Variants in CNTNAP3 observed in about 807,000 individuals in gnomAD.
CNTNAP3 encodes the protein contactin-associated protein-like 3.
Under a neutral mutation model 92.1 loss-of-function variants are expected in CNTNAP3, and 36 were observed. The ratio of observed to expected loss-of-function variants is 0.39; its 90% CI spans 0.30 to 0.52. The LOEUF is 0.52. CNTNAP3 is among the 20% of genes least tolerant of loss of function. CNTNAP3 has a pLI of 0.76. For missense variants in CNTNAP3, 534 were observed against 1,069.6 expected (o/e 0.50, Z 6.98); for synonymous variants, 232 against 422.3 (o/e 0.55, Z 5.53).
chr9:39,097,046 AT>A (rs970187155), intron 18 of CNTNAP3, among the ~76,000 whole-genome samples: 8 of 151,686 alleles, frequency 5.3e-5, no homozygotes, highest in African/African-American at 1.7e-4. Context: ...CTGATGATCT[AT>A]TTTTTTCATT....
chr9:39,087,746 A>G (rs1826096223), intron 19 of CNTNAP3, among the ~76,000 whole-genome samples: 1 of 152,124 alleles, frequency 6.6e-6, no homozygotes, highest in South Asian at 2.1e-4. Flanking sequence ...TTGGCCTCCC[A>G]AAGTGCTGCG....
At chr9:39,100,920 G>A (rs1487950820) in intron 17 of CNTNAP3, among the ~76,000 whole-genome samples, 2 of 150,566 alleles carry the variant, frequency 1.3e-5, no homozygotes, top group East Asian at 2.0e-4. Context: ...CCTCCTCCCA[G>A]AGATTCCAAT....
At chr9:39,074,793 G>C (rs950979495) in intron 23 of CNTNAP3, among the ~76,000 whole-genome samples, 7 of 152,090 alleles carry the variant, frequency 4.6e-5, no homozygotes, top group Admixed American at 4.6e-4. Flanking sequence ...TTCTGAGACG[G>C]AGTCTTGCTC....
chr9:39,091,168 C>CTTTTTTTTTTTTTTT (rs1319060417), intron 18 of CNTNAP3, among the ~76,000 whole-genome samples: 29 of 117,804 alleles, frequency 2.5e-4, no homozygotes, highest in Admixed American at 6.8e-4. Context: ...TGTTTTTCTT[C>CTTTTTTTTTTTTTTT]TTCTTTTTTT....
chr9:39,133,028 C>T lies in CNTNAP3; in HGVS notation c.1984G>A (p.Gly662Ser). 2 of 1,544,188 alleles carry T rather than the reference C, an allele frequency of 1.3e-6. No individual in the cohort carries two copies. The highest frequency in any genetic ancestry group is 2.0e-5 in the Admixed American group (1 of 51,270). ...RSAVSFAYAA[G>S]AGQLRSAVNL... The stretch of plus-strand genomic sequence containing the variant: ...ACCGCGGACCGCAGCTGCCCCGCGC[C>T]CGCTGCGTACGCGAAGGACACAGCC... Residue 662 changes from glycine (G) to serine (S), a missense_variant, in exon 13 of 24, where the codon GGC becomes AGC. Transcript: ENST00000297668.
chr9:39,090,865 C>G (rs1356976383), intron 18 of CNTNAP3, among the ~76,000 whole-genome samples: 1 of 152,292 alleles, frequency 6.6e-6, no homozygotes, highest in East Asian at 1.9e-4. Context: ...TAATTTCTTT[C>G]AATGCTTTAT....
At position 39,073,115 on chromosome 9, in the gene CNTNAP3, T is replaced by G. The variant is rs1364135209; in HGVS notation, c.*775A>C. 1 of 153,800 alleles carries G rather than the reference T, an allele frequency of 6.5e-6. No individual in the cohort carries two copies. Among genetic ancestry groups the G allele is most frequent in the Admixed American group, 6.4e-5 (1 of 15,506 alleles). The allele number at this position is 153,800 out of a possible 1,614,324, so 9.5% of individuals were successfully genotyped here. The stretch of plus-strand genomic sequence containing the variant: ...CCTCTTGCATCTTGTTACCTACCAA[T>G]GTTCTGTTCCATTATAAAATTCAAT... On this transcript the variant is annotated 3_prime_UTR_variant, in exon 24 of 24. Coordinates refer to ENST00000297668, the MANE Select transcript of CNTNAP3 (RefSeq NM_033655.5).
intron 1 of CNTNAP3, among the ~76,000 whole-genome samples, chr9:39,267,491 GA>G (rs1295673113): frequency 8.3e-6 from 1 of 121,180 alleles, no homozygotes; most frequent in African/African-American, 3.1e-5. Context: ...TGGGGGATGG[GA>G]AAAGTGAAAT....
chr9:39,073,109 T>C lies in CNTNAP3; in HGVS notation c.*781A>G, dbSNP rs1026158808. 4.6e-5 allele frequency: 7 copies of C among 153,340 alleles called. No homozygotes were observed. Among genetic ancestry groups the C allele is most frequent in the African/African-American group, 1.2e-4 (5 of 41,596 alleles). 9.5% of individuals were successfully genotyped at this position (153,340 alleles called of 1,614,324 possible). ...TGACATCCTCTTGCATCTTGTTACCTACCAATGTTCTGTTCCATTATAAAA... is the reference window on the plus strand; with the variant it reads ...TGACATCCTCTTGCATCTTGTTACCCACCAATGTTCTGTTCCATTATAAAA... On this transcript the variant is annotated 3_prime_UTR_variant, in exon 24 of 24. Transcript: ENST00000297668.
In CNTNAP3 at chr9:39,066,451, T is replaced by C. The variant is rs1200969574; in HGVS notation, c.*7439A>G. ...ATTGCCAGTGCTCTTCATTTCTTTG[T>C]GTGGATCCATGTTTCTATCTGCACA... On this transcript the variant is annotated 3_prime_UTR_variant, in exon 24 of 24. Coordinates refer to ENST00000297668, the MANE Select transcript of CNTNAP3 (RefSeq NM_033655.5). Among the ~76,000 whole-genome samples the C allele has an allele frequency of 1.3e-5, 2 of 152,214 alleles. No individual in the cohort carries two copies. Among genetic ancestry groups the C allele is most frequent in the Non-Finnish European group, 2.9e-5 (2 of 68,028 alleles).
chr9:39,143,610 A>G (rs1821628783), intron 11 of CNTNAP3, among the ~76,000 whole-genome samples: 1 of 152,246 alleles, frequency 6.6e-6, no homozygotes, highest in Non-Finnish European at 1.5e-5. Flanking sequence ...GCAAAGCAAT[A>G]GCAGAGGGCT....
At position 39,068,008 on chromosome 9, in the gene CNTNAP3, TG is replaced by T. The variant is rs1216691470; in HGVS notation, c.*5881del. Among the ~76,000 whole-genome samples the T allele has an allele frequency of 3.9e-5, 6 of 152,270 alleles. No individual in the cohort carries two copies. The highest frequency in any genetic ancestry group is 2.6e-4 in the Admixed American group (4 of 15,292). On this transcript the variant is annotated 3_prime_UTR_variant, in exon 24 of 24. Coordinates refer to ENST00000297668, the MANE Select transcript of CNTNAP3 (RefSeq NM_033655.5). ...CCAAAACGACAGAAATTAGTTTTTT[TG>T]GGGGGGATGGGAGAAGTGAAGAGAA...
chr9:39,117,207 G>A (rs879394620), intron 14 of CNTNAP3, among the ~76,000 whole-genome samples: 24 of 151,990 alleles, frequency 1.6e-4, no homozygotes, highest in African/African-American at 5.3e-4. Context: ...GGCCAGGCTG[G>A]TCTCAACCTT....
intron 15 of CNTNAP3, among the ~76,000 whole-genome samples, chr9:39,106,837 G>C (rs1292719227): frequency 6.6e-6 from 1 of 152,118 alleles, no homozygotes; most frequent in Non-Finnish European, 1.5e-5. Context: ...ACTGTGGGAG[G>C]CATCTGAAGC....
rs1280224625 is a variant in CNTNAP3 at position 39,071,465 on chromosome 9, A to C, written c.*2425T>G. 3.3e-5 allele frequency among the ~76,000 whole-genome samples: 5 copies of C among 151,886 alleles called. No individual in the cohort carries two copies. The highest frequency in any genetic ancestry group is 4.8e-5 in the African/African-American group (2 of 41,328). ...TCTATTTTTAATATTAGAATTCTGA[A>C]GTTTTTAAGCATCAGAATCTTCAGC... On this transcript the variant is annotated 3_prime_UTR_variant, in exon 24 of 24. Transcript: ENST00000297668.
intron 21 of CNTNAP3, chr9:39,085,217 A>G (rs1432045515): frequency 2.0e-5 from 3 of 150,810 alleles, no homozygotes; most frequent in Non-Finnish European, 4.3e-5. Flanking sequence ...ACAGATATTT[A>G]TGAATATGCC....
chr9:39,101,207 G>A (rs562578950), intron 17 of CNTNAP3, among the ~76,000 whole-genome samples: 2 of 149,532 alleles, frequency 1.3e-5, no homozygotes, highest in Admixed American at 6.7e-5. Flanking sequence ...AGCTAACCAC[G>A]CCTGAAGCTA....
At chr9:39,120,214 C>G (rs1820980099) in intron 13 of CNTNAP3, among the ~76,000 whole-genome samples, 1 of 152,078 alleles carries the variant, frequency 6.6e-6, no homozygotes, top group South Asian at 2.1e-4. Context: ...GAGAGAATAA[C>G]ACATTACCTG....
intron 17 of CNTNAP3, 105 bp from the exon 18 acceptor site, chr9:39,100,255 T>A (rs1220730298): frequency 6.5e-7 from 1 of 1,540,938 alleles, no homozygotes; most frequent in African/African-American, 1.4e-5. Flanking sequence ...ATAATCACAA[T>A]GTGTCAAAAA....
Sources: gnomAD v4.1 joint callset for allele counts (sites outside exome capture counted in the v4.1 genomes callset) on GRCh38, gnomAD v4.1.1 for gene constraint, MANE v1.5 for transcripts, NCBI Gene and HGNC (gene_info 2026-07-23, HGNC 2026-07-21) for gene names.